The following TM9SF2 variants were observed in gnomAD, a reference collection of about 807,000 sequenced individuals.
TM9SF2 encodes the protein transmembrane 9 superfamily member 2, also known as 76 kDa membrane protein.
A neutral mutation model predicts 84.9 loss-of-function variants in TM9SF2; 13 were observed. That is an observed-to-expected ratio of 0.15 (90% CI 0.10 to 0.24). The LOEUF (loss-of-function observed/expected upper bound fraction) is 0.24, where lower values mean the gene tolerates loss of function less well. Ranked by LOEUF, TM9SF2 falls within the 10% of genes least tolerant of loss-of-function variation. The pLI, the probability that TM9SF2 is intolerant of heterozygous loss-of-function variation, is 1.00. For missense variants in TM9SF2, 562 were observed against 818.5 expected (o/e 0.69, Z 3.82); for synonymous variants, 273 against 285.8 (o/e 0.96, Z 0.45).
At chr13:99,551,143 A>G (rs1282636602) in intron 12 of TM9SF2, among the ~76,000 whole-genome samples, 3 of 152,250 alleles carry the variant, frequency 2.0e-5, no homozygotes, top group Non-Finnish European at 4.4e-5. Flanking sequence ...CTCTATTCAC[A>G]GAAAACCCAT....
At chr13:99,526,092 A>G (rs961570665) in intron 3 of TM9SF2, among the ~76,000 whole-genome samples, 20 of 152,138 alleles carry the variant, frequency 1.3e-4, no homozygotes, top group Admixed American at 5.9e-4. Context: ...AAATGTGGCA[A>G]TTGCTCCTGA....
intron 13 of TM9SF2, among the ~76,000 whole-genome samples, chr13:99,553,752 A>T (rs1269515054): frequency 2.0e-5 from 3 of 152,166 alleles, no homozygotes; most frequent in African/African-American, 7.2e-5. Flanking sequence ...TGATTTTTAT[A>T]CCGCCATGTA....
At chr13:99,531,517 A>G (rs75091845) in intron 4 of TM9SF2, among the ~76,000 whole-genome samples, 1,581 of 152,130 alleles carry the variant, frequency 0.01, 28 homozygotes, top group African/African-American at 0.036. Context: ...ATATGCATAG[A>G]ACCCTGGGTT....
intron 11 of TM9SF2, among the ~76,000 whole-genome samples, chr13:99,548,053 A>G (rs1487740284): frequency 6.6e-6 from 1 of 152,196 alleles, no homozygotes; most frequent in Non-Finnish European, 1.5e-5. Context: ...GATTAGGGCC[A>G]TCATACGGAT....
intron 12 of TM9SF2, among the ~76,000 whole-genome samples, chr13:99,550,741 G>C (rs1382521215): frequency 6.6e-6 from 1 of 152,064 alleles, no homozygotes; most frequent in African/African-American, 2.4e-5. Context: ...CAGTAAAATG[G>C]CCTTTGATAA....
In TM9SF2 at chr13:99,554,298, C is replaced by T. The variant is rs1420559717; in HGVS notation, c.1489-6C>T. On this transcript the variant is annotated splice_polypyrimidine_tract_variant and splice_region_variant and intron_variant, in intron 13 of 16. Transcript: ENST00000376387. ...TATGAATTCTTCCTTCCTTTTTTTA[C>T]TGAAGGCCATTGAACACCCAGTTCG... The T allele has an allele frequency of 7.5e-6, 12 of 1,602,486 alleles. No individual in the cohort carries two copies. Among genetic ancestry groups the T allele is most frequent in the Non-Finnish European group, 8.5e-6 (10 of 1,175,194 alleles).
chr13:99,515,944 C>T (rs1188318179), intron 1 of TM9SF2, among the ~76,000 whole-genome samples: 1 of 152,122 alleles, frequency 6.6e-6, no homozygotes, highest in East Asian at 1.9e-4. Context: ...GTTGACCAGG[C>T]TGGTCTCAAT....
intron 12 of TM9SF2, 84 bp downstream of exon 12, chr13:99,549,306 C>A: frequency 9.5e-7 from 1 of 1,052,898 alleles, no homozygotes; most frequent in Admixed American, 1.9e-5. Context: ...TTTAATCCTC[C>A]GTGTCTCTAA....
intron 1 of TM9SF2, among the ~76,000 whole-genome samples, chr13:99,517,031 A>AT (rs1234649842): frequency 6.6e-6 from 1 of 152,188 alleles, no homozygotes; most frequent in Non-Finnish European, 1.5e-5. Flanking sequence ...TATCTTATTA[A>AT]TTTTTTAGAA....
chr13:99,539,171 C>T (rs1376338443), intron 6 of TM9SF2, among the ~76,000 whole-genome samples: 3 of 150,450 alleles, frequency 2.0e-5, no homozygotes, highest in Non-Finnish European at 4.4e-5. Context: ...GATGGCACCA[C>T]CGCACTCAGG....
intron 8 of TM9SF2, 130 bp downstream of exon 8, chr13:99,540,923 C>A: frequency 1.3e-6 from 1 of 767,402 alleles, no homozygotes; most frequent in Non-Finnish European, 2.1e-6. Flanking sequence ...TCCTGGCTTT[C>A]AGCCACTGAT....
chr13:99,559,019 C>T (rs183540458), intron 15 of TM9SF2, among the ~76,000 whole-genome samples: 4 of 152,302 alleles, frequency 2.6e-5, no homozygotes, highest in East Asian at 1.9e-4. Flanking sequence ...GTATTAATGT[C>T]GAGCCCTGTG....
chr13:99,529,198 T>C (rs1298613009), intron 3 of TM9SF2, among the ~76,000 whole-genome samples: 1 of 152,192 alleles, frequency 6.6e-6, no homozygotes, highest in African/African-American at 2.4e-5. Context: ...TTTTCTCTTC[T>C]AGAACTTATT....
chr13:99,562,670 T>C (rs773089772), intron 16 of TM9SF2, 21 bp from the exon 17 acceptor site: 54 of 1,608,614 alleles, frequency 3.4e-5, no homozygotes, highest in Admixed American at 5.0e-5. Flanking sequence ...AAGGGGTTTA[T>C]TTTTATTTTT....
intron 1 of TM9SF2, among the ~76,000 whole-genome samples, chr13:99,511,619 A>G (rs1040058009): frequency 2.6e-5 from 4 of 152,236 alleles, no homozygotes; most frequent in Non-Finnish European, 4.4e-5. Context: ...TGAGATGGTA[A>G]TTCTTGAAAT....
chr13:99,528,830 T>A (rs972904867), intron 3 of TM9SF2, among the ~76,000 whole-genome samples: 1 of 152,218 alleles, frequency 6.6e-6, no homozygotes, highest in Non-Finnish European at 1.5e-5. Flanking sequence ...AATACATACA[T>A]ACAAAAGAGT....
intron 1 of TM9SF2, among the ~76,000 whole-genome samples, chr13:99,507,812 A>G (rs2139068884): frequency 6.6e-6 from 1 of 152,322 alleles, no homozygotes; most frequent in Non-Finnish European, 1.5e-5. Flanking sequence ...GTACAGTCAC[A>G]TCTCTTCACT....
chr13:99,544,060 C>T, intron 10 of TM9SF2, 65 bp downstream of exon 10: 1 of 1,579,814 alleles, frequency 6.3e-7, no homozygotes, highest in Non-Finnish European at 8.6e-7. Flanking sequence ...GCTTAAAAAC[C>T]AGTTTTTCTG....
chr13:99,530,930 G>A (rs1359712033), intron 4 of TM9SF2, among the ~76,000 whole-genome samples: 2 of 150,958 alleles, frequency 1.3e-5, no homozygotes, highest in African/African-American at 2.4e-5. Context: ...GCGTGATCTC[G>A]GCTCACTGCA....
Sources: allele counts gnomAD v4.1 joint callset (sites outside exome capture counted in the v4.1 genomes callset), GRCh38; gene constraint gnomAD v4.1.1; transcripts MANE v1.5; gene names NCBI Gene and HGNC (gene_info 2026-07-23, HGNC 2026-07-21).